The following PCM1 variants were observed in gnomAD, a reference collection of about 807,000 sequenced individuals.
The protein encoded by PCM1 is pericentriolar material 1 protein.
Under a neutral mutation model 241.9 loss-of-function variants are expected in PCM1, and 157 were observed. The observed-to-expected ratio is 0.65, with a 90% CI of 0.57 to 0.74. The LOEUF (loss-of-function observed/expected upper bound fraction) is 0.74. Among genes scored for constraint, PCM1 ranks in the 30% least tolerant of loss-of-function variants. The probability of loss-of-function intolerance (pLI) is 0.00; values close to 1 mark genes in which losing one functional copy is unlikely to be tolerated. For missense variants in PCM1, 3,478 were observed against 2,360.1 expected (o/e 1.47, Z -9.81); for synonymous variants, 1,085 against 784.9 (o/e 1.38, Z -6.39).
In PCM1 at chr8:17,947,404, TCATA is replaced by T. The variant is rs745370282; in HGVS notation, c.961+46_961+49del. On this transcript the variant is annotated intron_variant, in intron 7 of 38. Transcript: ENST00000325083. ...AGAATATTCTTTTTGTAAGGAAGAC[TCATA>T]CATAATTGTATTGCAGGGTGGATGC... is the stretch of plus-strand genomic sequence containing the variant. 81 of 1,387,512 alleles carry T rather than the reference TCATA, an allele frequency of 5.8e-5. 1 individual carries two copies. The highest frequency in any genetic ancestry group is 6.0e-5 in the Non-Finnish European group (61 of 1,008,492). 86.0% of individuals were successfully genotyped at this position (1,387,512 alleles called of 1,614,324 possible).
At chr8:17,924,441 G>A (rs2056064526) in intron 1 of PCM1, among the ~76,000 whole-genome samples, 1 of 152,124 alleles carries the variant, frequency 6.6e-6, no homozygotes, top group Non-Finnish European at 1.5e-5. Flanking sequence ...GGATAGTTAG[G>A]GCTAACCATC....
chr8:17,955,321 A>G, intron 9 of PCM1, 149 bp from the exon 10 acceptor site: 1 of 578,774 alleles, frequency 1.7e-6, no homozygotes, highest in Non-Finnish European at 3.0e-6. Context: ...TTGTGGAGTA[A>G]GTTAATAAAC....
At chr8:17,950,846 T>C (rs2065760334) in intron 8 of PCM1, 122 bp downstream of exon 8, 2 of 662,046 alleles carry the variant, frequency 3.0e-6, no homozygotes, top group Non-Finnish European at 5.2e-6. Context: ...AGGTTTCTGA[T>C]TGGTGGGGTC....
chr8:18,005,048 C>G lies in PCM1; in HGVS notation c.4828-1215C>G, dbSNP rs149991795. ...TGTTTGTACAAGTTGTCTTGTCTAT[C>G]CAAGAGGTAAAATACTTTCACTCTT... On this transcript the variant is annotated intron_variant, in intron 29 of 38. Transcript: ENST00000325083. Among the ~76,000 whole-genome samples the G allele has an allele frequency of 1.3e-3, 197 of 152,252 alleles. 1 individual carries two copies. Among genetic ancestry groups the G allele is most frequent in the African/African-American group, 4.5e-3 (188 of 41,562 alleles).
At chr8:17,960,968 G>A (rs556526717) in intron 15 of PCM1, among the ~76,000 whole-genome samples, 52 of 152,076 alleles carry the variant, frequency 3.4e-4, no homozygotes, top group Non-Finnish European at 6.3e-4. Context: ...TACTGGGCTG[G>A]CTGGCCATAG....
chr8:18,024,602 G>C (rs2094021355), intron 36 of PCM1, among the ~76,000 whole-genome samples: 1 of 152,134 alleles, frequency 6.6e-6, no homozygotes, highest in South Asian at 2.1e-4. Context: ...GTCAAAGGTA[G>C]ATTATAAAAG....
chr8:17,969,160 G>A (rs1228883012), intron 21 of PCM1, among the ~76,000 whole-genome samples: 1 of 152,090 alleles, frequency 6.6e-6, no homozygotes, highest in East Asian at 1.9e-4. Context: ...ACAGACCTGA[G>A]ATCTAATCAT....
intron 7 of PCM1, among the ~76,000 whole-genome samples, chr8:17,949,590 C>T (rs911047214): frequency 1.3e-5 from 2 of 151,076 alleles, no homozygotes; most frequent in Non-Finnish European, 2.9e-5. Context: ...CTCTGCCTCG[C>T]AGGTTCAAGT....
rs1237949450 is a variant in PCM1 at position 17,960,402 on chromosome 8, G to A, written c.2280G>A (p.Gln760=). ...QEERKKLIDI[Q]EKIQALQTAC... ...AAAGAAAGAAACTGATTGACATTCA[G>A]GAGAAAATTCAAGCATTGCAAACGG... The change falls in exon 15 of 39, where the codon CAG becomes CAA. Residue 760 remains glutamine (Q), a synonymous_variant. Transcript: ENST00000325083. The A allele has an allele frequency of 5.6e-6, 9 of 1,605,718 alleles. No individual in the cohort carries two copies. The highest frequency in any genetic ancestry group is 1.7e-6 in the Non-Finnish European group (2 of 1,177,010).
At chr8:17,952,598 A>G (rs552773841) in intron 8 of PCM1, among the ~76,000 whole-genome samples, 9 of 152,198 alleles carry the variant, frequency 5.9e-5, no homozygotes, top group African/African-American at 1.9e-4. Context: ...AGCTATTTAC[A>G]TAGTGTTTAT....
chr8:17,986,165 A>G, intron 26 of PCM1, 78 bp downstream of exon 26: 1 of 1,014,590 alleles, frequency 9.9e-7, no homozygotes, highest in Non-Finnish European at 1.4e-6. Flanking sequence ...TTATTGTCAA[A>G]TTGTAGGTAG....
rs1397086271 is a variant in PCM1, at chr8:17,964,665, G to C, written c.2752G>C (p.Glu918Gln). The stretch of plus-strand genomic sequence containing the variant: ...TGAAGGAATTGTTCGGACAGATGAA[G>C]AGGAGGAAGAAGAGCAAGATGCCAG... ...LSEGIVRTDE[E>Q]EEEEQDASSN... is the part of the protein sequence containing the mutation. The change falls in exon 18 of 39, where the codon GAG becomes CAG. Residue 918 changes from glutamate to glutamine, a missense_variant. Physicochemically the swap from Glu to Gln is conservative, Grantham distance 29. Transcript: ENST00000325083. The C allele has an allele frequency of 1.2e-6, 2 of 1,613,896 alleles. No homozygotes were observed. Among genetic ancestry groups the C allele is most frequent in the Non-Finnish European group, 1.7e-6 (2 of 1,179,780 alleles).
At chr8:17,992,355 A>G (rs1332548660) in intron 28 of PCM1, among the ~76,000 whole-genome samples, 1 of 152,202 alleles carries the variant, frequency 6.6e-6, no homozygotes, top group African/African-American at 2.4e-5. Flanking sequence ...GTTAGTTTAC[A>G]TGCCCACCAG....
chr8:17,962,622 C>T (rs2072968109), intron 16 of PCM1, among the ~76,000 whole-genome samples: 1 of 151,996 alleles, frequency 6.6e-6, no homozygotes, highest in South Asian at 2.1e-4. Context: ...ATTAATAGGC[C>T]ATGTGCGGTG....
intron 25 of PCM1, 119 bp from the exon 26 acceptor site, chr8:17,985,840 T>C (rs1191466269): frequency 2.6e-6 from 2 of 771,564 alleles, no homozygotes; most frequent in Non-Finnish European, 4.0e-6. Flanking sequence ...ACACTTAACC[T>C]GTGAGGGTAG....
At chr8:17,963,342 T>A in intron 17 of PCM1, 51 bp downstream of exon 17, 1 of 1,394,448 alleles carries the variant, frequency 7.2e-7, no homozygotes, top group Non-Finnish European at 9.9e-7. Flanking sequence ...TGCCGAAGAT[T>A]GACCTGTAGG....
chr8:18,026,199 A>AAG (rs2094193252), intron 38 of PCM1, among the ~76,000 whole-genome samples: 1 of 149,316 alleles, frequency 6.7e-6, no homozygotes, highest in African/African-American at 2.5e-5. Context: ...AAAAAAAAAA[A>AAG]AATGTAGACA....
rs565245949 is a variant in PCM1 at position 17,955,740 on chromosome 8, C to G, written c.1472+87C>G. 14 of 996,624 alleles carry G rather than the reference C, an allele frequency of 1.4e-5. No individual in the cohort carries two copies. The African/African-American group carries it at 1.6e-4, about 12-fold the overall frequency. The allele number at this position is 996,624 out of a possible 1,614,324, so 61.7% of individuals were successfully genotyped here. A position where few individuals can be genotyped will look rare whatever the true frequency, so the allele number is the denominator to read the frequency against. The stretch of plus-strand genomic sequence containing the variant: ...TTTTTATGTTGAAAATTCTGCAAAA[C>G]GAGATTTATTTAATATTGTTGTAAA... On this transcript the variant is annotated intron_variant, in intron 10 of 38. Coordinates refer to ENST00000325083, the MANE Select transcript of PCM1 (RefSeq NM_006197.4).
rs374616856 is a variant in PCM1, at chr8:17,962,121, A to T, written c.2410A>T (p.Ser804Cys). The change falls in exon 16 of 39, where the codon AGT (serine) becomes TGT (cysteine). Residue 804 changes from serine (S) to cysteine (C), a missense_variant. Physicochemically the swap from Ser to Cys is moderately radical, Grantham distance 112 (BLOSUM62 -1). Transcript: ENST00000325083. ...STPTVNQHETSTSKSVFEPED... is the reference protein window; with the variant it reads ...STPTVNQHETCTSKSVFEPED... Reference sequence around the variant, plus strand: ...CCCAACTGTTAATCAACACGAGACCAGTACAAGCAAATCTGTTTTTGAGCC... The same window carrying T: ...CCCAACTGTTAATCAACACGAGACCTGTACAAGCAAATCTGTTTTTGAGCC... The T allele has an allele frequency of 5.0e-6, 8 of 1,610,498 alleles. No individual in the cohort carries two copies. Among genetic ancestry groups the T allele is most frequent in the Non-Finnish European group, 5.9e-6 (7 of 1,177,964 alleles).
Sources: gnomAD v4.1 joint callset for allele counts (sites outside exome capture counted in the v4.1 genomes callset) on GRCh38, gnomAD v4.1.1 for gene constraint, MANE v1.5 for transcripts, NCBI Gene and HGNC (gene_info 2026-07-23, HGNC 2026-07-21) for gene names.